MBTPS1: variants seen among roughly 807,000 people sequenced by gnomAD.
MBTPS1 encodes the protein membrane bound transcription factor peptidase, site 1.
In MBTPS1, 94 loss-of-function variants were observed where a neutral mutation model predicts 127.8. That is an observed-to-expected ratio of 0.74 (90% CI 0.62 to 0.87). The LOEUF is 0.87. MBTPS1 is among the 40% of genes least tolerant of loss of function. The probability of loss-of-function intolerance (pLI) is 0.00; values close to 1 mark genes in which losing one functional copy is unlikely to be tolerated. For missense variants in MBTPS1, 1,636 were observed against 1,353.2 expected, an observed-to-expected ratio of 1.21 and a Z score of -3.28; for synonymous variants, 632 against 509.4, an observed-to-expected ratio of 1.24 and a Z score of -3.24.
chr16:84,088,403 C>T (rs895709808), intron 8 of MBTPS1, among the ~76,000 whole-genome samples: 8 of 151,722 alleles, frequency 5.3e-5, no homozygotes, highest in African/African-American at 1.7e-4. Context: ...TTCAGAGGAA[C>T]GAATAATGAT....
rs1050972863 is a variant in MBTPS1 at position 84,068,343 on chromosome 16, C to A, written c.2067G>T (p.Gln689His). Residue 689 changes from glutamine to histidine, a missense_variant, in exon 15 of 23, where the codon CAG becomes CAT. Physicochemically the swap from Gln to His is conservative, Grantham distance 24. Coordinates refer to ENST00000343411, the MANE Select transcript of MBTPS1 (RefSeq NM_003791.4). ...GAPFTCFDASQYGTLLMVDSE... is the reference protein window; with the variant it reads ...GAPFTCFDASHYGTLLMVDSE... ...TAGCACAGCAGTGCCACTTACCATACTGACTGGCATCAAAACACGTGAAGG... is the reference window on the plus strand; with the variant it reads ...TAGCACAGCAGTGCCACTTACCATAATGACTGGCATCAAAACACGTGAAGG... The A allele has an allele frequency of 1.2e-6, 2 of 1,601,722 alleles. No homozygotes were observed. The highest frequency in any genetic ancestry group is 1.7e-6 in the Non-Finnish European group (2 of 1,168,712).
At chr16:84,107,577 G>C (rs1271138788) in intron 1 of MBTPS1, among the ~76,000 whole-genome samples, 1 of 152,136 alleles carries the variant, frequency 6.6e-6, no homozygotes, top group Non-Finnish European at 1.5e-5. Context: ...AGAATAAGGT[G>C]GTTTCAAAAT....
At chr16:84,114,291 T>A (rs184665777) in intron 1 of MBTPS1, among the ~76,000 whole-genome samples, 9 of 152,188 alleles carry the variant, frequency 5.9e-5, no homozygotes, top group African/African-American at 1.9e-4. Flanking sequence ...TATTCTTACA[T>A]CCGATGCAAC....
chr16:84,068,299 G>A (rs1320948863), intron 15 of MBTPS1, 40 bp downstream of exon 15: 1 of 1,299,796 alleles, frequency 7.7e-7, no homozygotes, highest in African/African-American at 1.5e-5. Context: ...ATCCAAAGTG[G>A]GCGGAAAGAC....
chr16:84,094,949 A>T (rs2086159226), intron 4 of MBTPS1, among the ~76,000 whole-genome samples: 1 of 152,228 alleles, frequency 6.6e-6, no homozygotes, highest in South Asian at 2.1e-4. Flanking sequence ...GAGCAGGTGA[A>T]ACTGGCTTAC....
intron 8 of MBTPS1, 73 bp downstream of exon 8, chr16:84,090,802 C>G: frequency 9.2e-7 from 1 of 1,092,826 alleles, no homozygotes. Flanking sequence ...GGTAGATACA[C>G]AAACAGATAA....
intron 5 of MBTPS1, 99 bp from the exon 6 acceptor site, chr16:84,093,396 A>C: frequency 1.2e-6 from 1 of 822,380 alleles, no homozygotes. Context: ...TCCATTTCCA[A>C]GTGCTGGATA....
At chr16:84,093,378 C>A (rs1567496247) in intron 5 of MBTPS1, 81 bp from the exon 6 acceptor site, 8 of 937,544 alleles carry the variant, frequency 8.5e-6, no homozygotes, top group Non-Finnish European at 1.4e-5. Context: ...CCATGAGTTC[C>A]ACGGCCTTCC....
chr16:84,097,342 A>G (rs761424753), intron 3 of MBTPS1, among the ~76,000 whole-genome samples: 3 of 152,232 alleles, frequency 2.0e-5, no homozygotes, highest in Non-Finnish European at 2.9e-5. Flanking sequence ...TGTTATCTTC[A>G]TGACAGCCCC....
chr16:84,097,199 T>C (rs1162917751), intron 3 of MBTPS1, among the ~76,000 whole-genome samples: 2 of 152,198 alleles, frequency 1.3e-5, no homozygotes, highest in Non-Finnish European at 1.5e-5. Context: ...ATGGGTGGGA[T>C]GCAGAGTGAG....
chr16:84,105,671 G>T (rs1412493868), intron 1 of MBTPS1, among the ~76,000 whole-genome samples: 1 of 152,180 alleles, frequency 6.6e-6, no homozygotes, highest in East Asian at 1.9e-4. Context: ...GAGGCTGAAA[G>T]ACGAGGGGGG....
intron 1 of MBTPS1, chr16:84,110,800 G>A (rs2086386870): frequency 6.6e-6 from 1 of 152,192 alleles, no homozygotes; most frequent in Admixed American, 6.5e-5. Context: ...TTCAGAGGCA[G>A]GTCGCCTGCT....
intron 21 of MBTPS1, among the ~76,000 whole-genome samples, 187 bp downstream of exon 21, chr16:84,059,114 GC>G (rs1332860076): frequency 1.3e-5 from 2 of 152,208 alleles, no homozygotes; most frequent in Admixed American, 1.3e-4. Flanking sequence ...CACTTTTTAT[GC>G]AGGATACCAC....
rs1597327476 is a variant in MBTPS1, at chr16:84,081,881, A to G, written c.1314T>C (p.Asn438=). ...VSTVQKRELV[N]PASMKQALIA... ...TCAGGGCCTGCTTCATACTGGCGGGATTCACCAGCTCACGCTTCTGGACTG... is the reference window on the plus strand; with the variant it reads ...TCAGGGCCTGCTTCATACTGGCGGGGTTCACCAGCTCACGCTTCTGGACTG... The change falls in exon 11 of 23, where the codon AAT becomes AAC. Residue 438 remains asparagine (N), a synonymous_variant. Transcript: ENST00000343411. 6.9e-7 allele frequency: 1 copy of G among 1,456,892 alleles called. No individual in the cohort carries two copies. 90.2% of individuals were successfully genotyped at this position (1,456,892 alleles called of 1,614,324 possible).
In MBTPS1 at chr16:84,070,617, T is replaced by C. The variant is rs1184203907; in HGVS notation, c.1753A>G (p.Ile585Val). 2 of 1,612,812 alleles carry C rather than the reference T, an allele frequency of 1.2e-6. No homozygotes were observed. Among genetic ancestry groups the C allele is most frequent in the Non-Finnish European group, 1.7e-6 (2 of 1,179,848 alleles). The change falls in exon 13 of 23, where the codon ATC becomes GTC. Residue 585 changes from isoleucine to valine, a missense_variant. Physicochemically the swap from Ile to Val is conservative, Grantham distance 29. Transcript: ENST00000343411. ...WEGIAQGHVM[I>V]TVASPAETES... Reference sequence around the variant, plus strand: ...GTCTCTGCTGGGGAAGCCACAGTGATCATGACATGGCCCTGAGCAATGCCT... The same window carrying C: ...GTCTCTGCTGGGGAAGCCACAGTGACCATGACATGGCCCTGAGCAATGCCT...
chr16:84,054,866 C>T (rs1412472160), intron 22 of MBTPS1, among the ~76,000 whole-genome samples: 2 of 144,904 alleles, frequency 1.4e-5, no homozygotes, highest in South Asian at 2.2e-4. Context: ...GGTGGAGGCT[C>T]GGTGGATCTC....
In MBTPS1 at chr16:84,093,192, T is replaced by C. The variant is rs766202981; in HGVS notation, c.842A>G (p.Asn281Ser). Residue 281 changes from asparagine to serine, a missense_variant, in exon 6 of 23, where the codon AAT (asparagine) becomes AGT (serine). Asn to Ser is a conservative substitution (Grantham distance 46). Coordinates refer to ENST00000343411, the MANE Select transcript of MBTPS1 (RefSeq NM_003791.4). The stretch of plus-strand genomic sequence containing the variant: ...AGGAGTCCTCAAAACACCTACCTGA[T>C]TATTGGTAAAGACCCTGAAAATGTG... Reference protein sequence around the residue: ...ELHIFRVFTNNQVSYTSWFLD... With the variant: ...ELHIFRVFTNSQVSYTSWFLD... 2 of 1,606,178 alleles carry C rather than the reference T, an allele frequency of 1.2e-6. No individual in the cohort carries two copies. The highest frequency in any genetic ancestry group is 1.3e-5 in the African/African-American group (1 of 74,894).
At chr16:84,091,711 G>A (rs779342385) in intron 7 of MBTPS1, 21 bp downstream of exon 7, 16 of 1,546,320 alleles carry the variant, frequency 1.0e-5, no homozygotes, top group Middle Eastern at 1.7e-4. Flanking sequence ...CCCAAACCCC[G>A]TGTGCAGTGA....
intron 1 of MBTPS1, chr16:84,110,760 G>A (rs761747260): frequency 2.0e-5 from 3 of 152,184 alleles, no homozygotes; most frequent in Non-Finnish European, 1.5e-5. Flanking sequence ...GAGAACTCAG[G>A]TGGTCAGCCT....
Sources: allele counts gnomAD v4.1 joint callset (sites outside exome capture counted in the v4.1 genomes callset), GRCh38; gene constraint gnomAD v4.1.1; transcripts MANE v1.5; gene names NCBI Gene and HGNC (gene_info 2026-07-23, HGNC 2026-07-21).